The following ZNF619 variants were observed in gnomAD, a reference collection of about 807,000 sequenced individuals.
The protein encoded by ZNF619 is zinc finger protein 619.
In ZNF619, 9 loss-of-function variants were observed where a neutral mutation model predicts 14.2. The ratio of observed to expected loss-of-function variants is 0.64; its 90% CI spans 0.38 to 1.11. ZNF619 has a LOEUF of 1.11. Among genes scored for constraint, ZNF619 ranks in the 50% least tolerant of loss-of-function variants. The pLI is 0.01. For missense variants in ZNF619, 659 were observed against 680.1 expected (o/e 0.97, Z 0.34); for synonymous variants, 246 against 252.8 (o/e 0.97, Z 0.26).
chr3:40,480,877 T>C (rs902977598), intron 2 of ZNF619, among the ~76,000 whole-genome samples: 1 of 152,194 alleles, frequency 6.6e-6, no homozygotes, highest in Non-Finnish European at 1.5e-5. Flanking sequence ...GTTGACATGA[T>C]GAATTGAGAA....
In ZNF619 at chr3:40,487,229, C is replaced by G; in HGVS notation, c.719C>G (p.Thr240Ser). The G allele has an allele frequency of 6.2e-7, 1 of 1,614,154 alleles. No homozygotes were observed. The highest frequency in any genetic ancestry group is 8.5e-7 in the Non-Finnish European group (1 of 1,180,046). The part of the protein sequence containing the change: ...KPYTCKECGK[T>S]FRYNSKLSRH... ...TACACATGCAAAGAATGTGGGAAAACCTTCAGATATAACTCAAAACTGTCA... is the reference window on the plus strand; with the variant it reads ...TACACATGCAAAGAATGTGGGAAAAGCTTCAGATATAACTCAAAACTGTCA... Residue 240 changes from threonine (T) to serine (S), a missense_variant, in exon 5 of 5, where the codon ACC becomes AGC. By Grantham distance (58) the Thr-to-Ser change is moderately conservative. Coordinates refer to ENST00000432264, the MANE Select transcript of ZNF619 (RefSeq NM_001145093.4).
At position 40,488,215 on chromosome 3, in the gene ZNF619, C is replaced by T. The variant is rs779244272; in HGVS notation, c.1705C>T (p.Pro569Ser). ...AFPGKSSLQS[P>S]NPLSHSL is the part of the protein sequence containing the mutation. Reference sequence around the variant, plus strand: ...TCCTGGGAAGTCATCCCTTCAGAGCCCGAATCCTTTGTCTCACTCCCTGTA... The same window carrying T: ...TCCTGGGAAGTCATCCCTTCAGAGCTCGAATCCTTTGTCTCACTCCCTGTA... Residue 569 changes from proline to serine, a missense_variant, in exon 5 of 5, where the codon CCG becomes TCG. Physicochemically the swap from Pro to Ser is moderately conservative, Grantham distance 74. Coordinates refer to ENST00000432264, the MANE Select transcript of ZNF619 (RefSeq NM_001145093.4). 6.3e-7 allele frequency: 1 copy of T among 1,593,204 alleles called. No homozygotes were observed. Among genetic ancestry groups the T allele is most frequent in the Non-Finnish European group, 8.6e-7 (1 of 1,165,470 alleles).
chr3:40,477,153 C>A lies in ZNF619; in HGVS notation c.-267C>A, dbSNP rs1161428715. On this transcript the variant is annotated 5_prime_UTR_variant, in exon 1 of 5. Coordinates refer to ENST00000432264, the MANE Select transcript of ZNF619 (RefSeq NM_001145093.4). ...ACCGACGGCCGGCCAGCTAATGCTT[C>A]CGTCTTGGCCACCTTGCGAGCGCTC... 5 of 152,326 alleles carry A rather than the reference C, an allele frequency of 3.3e-5. No homozygotes were observed. The highest frequency in any genetic ancestry group is 1.2e-4 in the African/African-American group (5 of 41,474). The allele number at this position is 152,326 out of a possible 1,614,324, so 9.4% of individuals were successfully genotyped here. A position where few individuals can be genotyped will look rare whatever the true frequency, so the allele number is the denominator to read the frequency against.
In ZNF619 at chr3:40,488,066, C is replaced by A; in HGVS notation, c.1556C>A (p.Pro519His). 6.2e-7 allele frequency: 1 copy of A among 1,614,220 alleles called. No homozygotes were observed. The highest frequency in any genetic ancestry group is 8.5e-7 in the Non-Finnish European group (1 of 1,180,030). Residue 519 changes from proline to histidine, a missense_variant, in exon 5 of 5, where the codon CCC becomes CAC. Physicochemically the swap from Pro to His is moderately conservative, Grantham distance 77. Coordinates refer to ENST00000432264, the MANE Select transcript of ZNF619 (RefSeq NM_001145093.4). ...TCTGCCCTAGCCCCACCAGGGCCTC[C>A]CTTATCTTCTTCACATGCAGTGGTA... ...TCSALAPPGP[P>H]LSSSHAVVLP...
chr3:40,480,048 A>G (rs902763888), intron 2 of ZNF619, among the ~76,000 whole-genome samples: 5 of 152,220 alleles, frequency 3.3e-5, no homozygotes, highest in African/African-American at 1.2e-4. Context: ...GAAGATCTGG[A>G]GAAGCTAAGT....
chr3:40,488,338 T>A lies in ZNF619; in HGVS notation c.*97T>A. ...GATATTCCTCTGGTCTTGTCTTGTA[T>A]AAGTTGTTACTGTTTTCCTAACTTC... On this transcript the variant is annotated 3_prime_UTR_variant, in exon 5 of 5. Transcript: ENST00000432264. 1 of 701,782 alleles carries A rather than the reference T, an allele frequency of 1.4e-6. No homozygotes were observed. The highest frequency in any genetic ancestry group is 2.5e-6 in the Non-Finnish European group (1 of 399,628). 43.5% of individuals were successfully genotyped at this position (701,782 alleles called of 1,614,324 possible). A position where few individuals can be genotyped will look rare whatever the true frequency, so the allele number is the denominator to read the frequency against.
intron 2 of ZNF619, 53 bp downstream of exon 2, chr3:40,478,056 A>AAG (rs1697255954): frequency 1.3e-6 from 2 of 1,521,106 alleles, no homozygotes; most frequent in Non-Finnish European, 1.8e-6. Context: ...ATGGAAGGTC[A>AAG]GTACAGCCCC....
chr3:40,487,509 C>T lies in ZNF619; in HGVS notation c.999C>T (p.Ile333=). The part of the protein sequence containing the change: ...KAFSCSYDCI[I]HERIHNGEKP... ...TCAGTTGTAGCTATGACTGCATCAT[C>T]CATGAACGAATTCACAATGGGGAGA... Residue 333 remains isoleucine (I), a synonymous_variant, in exon 5 of 5, where the codon ATC becomes ATT. Coordinates refer to ENST00000432264, the MANE Select transcript of ZNF619 (RefSeq NM_001145093.4). 6.2e-7 allele frequency: 1 copy of T among 1,613,840 alleles called. No individual in the cohort carries two copies. Among genetic ancestry groups the T allele is most frequent in the Non-Finnish European group, 8.5e-7 (1 of 1,179,934 alleles).
At position 40,477,545 on chromosome 3, in the gene ZNF619, G is replaced by C. The variant is rs192321756; in HGVS notation, c.-63+188G>C. ...GCCTGTGGTTTGTTTAGGGGTCCCC[G>C]TTATATCCTACTTTCTCTCCAGAGA... On this transcript the variant is annotated intron_variant, in intron 1 of 4. Transcript: ENST00000432264. Among the ~76,000 whole-genome samples the C allele has an allele frequency of 2.5e-3, 377 of 152,276 alleles. 8 individuals carry two copies. The highest frequency in any genetic ancestry group is 1.6e-3 in the Non-Finnish European group (109 of 68,028).
In ZNF619 at chr3:40,486,951, G is replaced by A. The variant is rs1436174370; in HGVS notation, c.441G>A (p.Gln147=). 14 of 1,614,162 alleles carry A rather than the reference G, an allele frequency of 8.7e-6. No individual in the cohort carries two copies. The highest frequency in any genetic ancestry group is 1.2e-5 in the Non-Finnish European group (14 of 1,180,042). ...TCAAGGACAGGTTAGAGAAGTCACA[G>A]CTACATGATACAGGGAATAAAACAA... ...PDFKDRLEKS[Q]LHDTGNKTKI... The change falls in exon 5 of 5, where the codon CAG becomes CAA. Residue 147 remains glutamine (Q), a synonymous_variant. Transcript: ENST00000432264.
In ZNF619 at chr3:40,484,224, C is replaced by G. The variant is rs79536003; in HGVS notation, c.295+1520C>G. Among the ~76,000 whole-genome samples, 1,262 of 152,306 alleles carry G rather than the reference C, an allele frequency of 8.3e-3. 11 individuals carry two copies. The highest frequency in any genetic ancestry group is 0.012 in the Admixed American group (187 of 15,306). On this transcript the variant is annotated intron_variant, in intron 4 of 4. Coordinates refer to ENST00000432264, the MANE Select transcript of ZNF619 (RefSeq NM_001145093.4). ...TACAGGCATGAGCCACCGCGCCCAG[C>G]TAGAACTTGTTTTTATAAGAACATT...
At chr3:40,483,587 G>A in intron 4 of ZNF619, 1 of 445,696 alleles carries the variant, frequency 2.2e-6, no homozygotes, top group Non-Finnish European at 4.5e-6. Flanking sequence ...CACCATGCCT[G>A]GCCAAGCACT....
intron 4 of ZNF619, among the ~76,000 whole-genome samples, chr3:40,484,111 A>G (rs1292748316): frequency 1.3e-5 from 2 of 152,048 alleles, no homozygotes; most frequent in East Asian, 3.9e-4. Flanking sequence ...GTTTTAGTAG[A>G]GACAGGGTTT....
In ZNF619 at chr3:40,482,489, G is replaced by A; in HGVS notation, c.179-99G>A. The A allele has an allele frequency of 3.9e-6, 6 of 1,549,616 alleles. No homozygotes were observed. In the South Asian group the frequency reaches 6.7e-5, roughly 17 times the overall value. ...TCCCTGACTTCACTTAGTCTCCTGG[G>A]CCATCCTCTTCTATTTTCATCTGGC... On this transcript the variant is annotated intron_variant, in intron 3 of 4. Coordinates refer to ENST00000432264, the MANE Select transcript of ZNF619 (RefSeq NM_001145093.4).
At position 40,488,410 on chromosome 3, in the gene ZNF619, A is replaced by G. The variant is rs1697711996; in HGVS notation, c.*169A>G. 3.5e-6 allele frequency: 2 copies of G among 575,608 alleles called. No individual in the cohort carries two copies. Among genetic ancestry groups the G allele is most frequent in the Non-Finnish European group, 6.1e-6 (2 of 326,976 alleles). The allele number at this position is 575,608 out of a possible 1,614,324, so 35.7% of individuals were successfully genotyped here. A position where few individuals can be genotyped will look rare whatever the true frequency, so the allele number is the denominator to read the frequency against. ...GGACCATGTTTGATTAGTTTCTTTT[A>G]TCCCCCGGTAGGAAATGGCAGTACT... is the stretch of plus-strand genomic sequence containing the variant. On this transcript the variant is annotated 3_prime_UTR_variant, in exon 5 of 5. Transcript: ENST00000432264.
chr3:40,487,042 A>G lies in ZNF619; in HGVS notation c.532A>G (p.Ile178Val), dbSNP rs753748702. The G allele has an allele frequency of 7.0e-5, 113 of 1,614,068 alleles. 1 individual carries two copies. Among genetic ancestry groups the G allele is most frequent in the Admixed American group, 3.7e-4 (22 of 60,006 alleles). Residue 178 changes from isoleucine to valine, a missense_variant, in exon 5 of 5, where the codon ATA becomes GTA. Transcript: ENST00000432264. ...ATCTTCCACCACTGAAAGGGAGGAGATAGCCAGGAAATTGGAAGAAAGTAG... is the reference window on the plus strand; with the variant it reads ...ATCTTCCACCACTGAAAGGGAGGAGGTAGCCAGGAAATTGGAAGAAAGTAG... ...HESSTTEREEIARKLEESSVS... is the reference protein window; with the variant it reads ...HESSTTEREEVARKLEESSVS...
In ZNF619 at chr3:40,481,914, G is replaced by T. The variant is rs1291979801; in HGVS notation, c.76G>T (p.Ala26Ser). The T allele has an allele frequency of 4.3e-6, 7 of 1,613,844 alleles. No homozygotes were observed. Among genetic ancestry groups the T allele is most frequent in the Non-Finnish European group, 5.9e-6 (7 of 1,179,834 alleles). Reference protein sequence around the residue: ...FQEPVTFEDVAVYFTQNEWAS... With the variant: ...FQEPVTFEDVSVYFTQNEWAS... ...GGAGCCAGTAACCTTTGAGGATGTG[G>T]CTGTGTACTTCACCCAGAATGAATG... The change falls in exon 3 of 5, where the codon GCT becomes TCT. Residue 26 changes from alanine to serine, a missense_variant. Physicochemically the swap from Ala to Ser is moderately conservative, Grantham distance 99 (BLOSUM62 1). Transcript: ENST00000432264.
Position 40,487,744 on chromosome 3 carries a change from AG to A in ZNF619, c.1235del (p.Ser412ThrfsTer5). 6.2e-7 allele frequency: 1 copy of A among 1,614,176 alleles called. No individual in the cohort carries two copies. On this transcript the variant is annotated frameshift_variant, in exon 5 of 5. Coordinates refer to ENST00000432264, the MANE Select transcript of ZNF619 (RefSeq NM_001145093.4). LOFTEE classifies it low-confidence loss of function (END_TRUNC). ...TGAATGTTGGAAAACTTTCAGCTGT[AG>A]CTCCCGCTTCATAGTGCATCAGAGA... ...CNECWKTFSC[S>X]SRFIVHQRIH...
chr3:40,482,030 CCT>C lies in ZNF619; in HGVS notation c.178+19_178+20del, dbSNP rs1474969653. The C allele has an allele frequency of 4.4e-6, 7 of 1,584,140 alleles. No individual in the cohort carries two copies. Among genetic ancestry groups the C allele is most frequent in the East Asian group, 2.2e-5 (1 of 44,832 alleles). On this transcript the variant is annotated intron_variant, in intron 3 of 4. Coordinates refer to ENST00000432264, the MANE Select transcript of ZNF619 (RefSeq NM_001145093.4). ...TGACTTCCTTGTGTAAGTCCTCCTTCCTCTCTGAAACTCAGCTTCTGCCCTTG... is the reference window on the plus strand; with the variant it reads ...TGACTTCCTTGTGTAAGTCCTCCTTCCTCTGAAACTCAGCTTCTGCCCTTG...
Sources: gnomAD v4.1 joint callset for allele counts (sites outside exome capture counted in the v4.1 genomes callset) on GRCh38, gnomAD v4.1.1 for gene constraint, MANE v1.5 for transcripts, NCBI Gene and HGNC (gene_info 2026-07-23, HGNC 2026-07-21) for gene names.